The following TECPR1 variants were observed in gnomAD, a reference collection of about 807,000 sequenced individuals.
TECPR1 encodes the protein tectonin beta-propeller repeat containing 1.
In TECPR1, 122 loss-of-function variants were observed where a neutral mutation model predicts 162.4. The ratio of observed to expected loss-of-function variants is 0.75; its 90% CI spans 0.65 to 0.87. The LOEUF (loss-of-function observed/expected upper bound fraction) is 0.87, where lower values mean the gene tolerates loss of function less well. TECPR1 is among the 40% of genes least tolerant of loss of function. The pLI, the probability that TECPR1 is intolerant of heterozygous loss-of-function variation, is 0.00. For synonymous variants in TECPR1, 642 were observed against 670.6 expected, an observed-to-expected ratio of 0.96 and a Z score of 0.66; for missense variants, 1,432 against 1,618.2, an observed-to-expected ratio of 0.88 and a Z score of 1.97.
chr7:98,229,928 G>A (rs1404609417), intron 15 of TECPR1, among the ~76,000 whole-genome samples: 4 of 151,444 alleles, frequency 2.6e-5, no homozygotes, highest in South Asian at 2.1e-4. Context: ...GTCCCCTGCC[G>A]GGCCCTTGTC....
At chr7:98,233,937 T>C in intron 10 of TECPR1, 26 bp from the exon 11 acceptor site, 1 of 1,492,276 alleles carries the variant, frequency 6.7e-7, no homozygotes, top group Non-Finnish European at 9.0e-7. Flanking sequence ...GGCAGACCCA[T>C]CACTCCCTTG....
At chr7:98,246,276 T>G (rs1798908135) in intron 2 of TECPR1, 111 bp from the exon 3 acceptor site, 1 of 722,266 alleles carries the variant, frequency 1.4e-6, no homozygotes, top group Non-Finnish European at 2.2e-6. Context: ...TTCTCTTTTT[T>G]TTTTTTTTTA....
At position 98,216,125 on chromosome 7, in the gene TECPR1, A is replaced by T. The variant is rs1031148875; in HGVS notation, c.*1265T>A. ...AACTCCCAAATGGGGCACAGAGGTA[A>T]TAAAAAGCAGCTGAGAGACTGCGGG... is the stretch of plus-strand genomic sequence containing the variant. On this transcript the variant is annotated 3_prime_UTR_variant, in exon 26 of 26. Transcript: ENST00000447648. 2.6e-5 allele frequency: 4 copies of T among 152,256 alleles called. No homozygotes were observed. Among genetic ancestry groups the T allele is most frequent in the African/African-American group, 9.6e-5 (4 of 41,462 alleles). The allele number at this position is 152,256 out of a possible 1,614,324, so 9.4% of individuals were successfully genotyped here.
chr7:98,242,424 C>CCCAT (rs1292568416), intron 6 of TECPR1, among the ~76,000 whole-genome samples: 1 of 151,834 alleles, frequency 6.6e-6, no homozygotes, highest in Non-Finnish European at 1.5e-5. Context: ...TACCCACCCA[C>CCCAT]CCATCCATCC....
In TECPR1 at chr7:98,232,054, C is replaced by A. The variant is rs1329346100; in HGVS notation, c.1819-95G>T. On this transcript the variant is annotated intron_variant, in intron 12 of 25. Transcript: ENST00000447648. This position sits in a 1 kb window ranked among gnomAD's most constrained non-coding sequence, Gnocchi z 4.6. ...GGGGTGCCCAGAGGAGGAGGCAGGG[C>A]TGGGGTAGGGCCCACCCAGCACTCC... The A allele has an allele frequency of 3.6e-6, 5 of 1,402,992 alleles. No homozygotes were observed. The African/African-American group carries it at 7.1e-5, about 20-fold the overall frequency. 86.9% of individuals were successfully genotyped at this position (1,402,992 alleles called of 1,614,324 possible). A position where few individuals can be genotyped will look rare whatever the true frequency, so the allele number is the denominator to read the frequency against.
In TECPR1 at chr7:98,223,636, A is replaced by G. The variant is rs775759964; in HGVS notation, c.2747+26T>C. 7 of 1,613,074 alleles carry G rather than the reference A, an allele frequency of 4.3e-6. No homozygotes were observed. The Admixed American group carries it at 5.0e-5, about 12-fold the overall frequency. On this transcript the variant is annotated intron_variant, in intron 20 of 25. Transcript: ENST00000447648. ...TGGCTCCTCCAGGAGCCTGACCGTG[A>G]CAGTCACCCTGCAGCCCTGCCTCAC...
intron 23 of TECPR1, among the ~76,000 whole-genome samples, chr7:98,219,233 A>C (rs1157921726): frequency 3.3e-5 from 5 of 152,236 alleles, no homozygotes; most frequent in Non-Finnish European, 7.3e-5. Context: ...TATTAAAAAA[A>C]CAACTCAAGA....
chr7:98,229,253 G>T, intron 15 of TECPR1, 87 bp from the exon 16 acceptor site: 1 of 1,483,892 alleles, frequency 6.7e-7, no homozygotes, highest in Non-Finnish European at 9.1e-7. Flanking sequence ...GTGTCCTCCT[G>T]TGGTTCTGGG....
Position 98,217,446 on chromosome 7 carries a change from A to G in TECPR1, c.3442T>C (p.Ser1148Pro). The stretch of plus-strand genomic sequence containing the variant: ...GGGGCACTCGGCTCCTGCTCCTGGG[A>G]CGAGCTCCGGGGGGCCCTGGTGGCA... ...ANATRAPRSS[S>P]QEQEPSAPPE... is the part of the protein sequence containing the mutation. The change falls in exon 26 of 26, where the codon TCC (serine) becomes CCC (proline). Residue 1148 changes from serine (S) to proline (P), a missense_variant. Coordinates refer to ENST00000447648, the MANE Select transcript of TECPR1 (RefSeq NM_015395.3). 6.2e-7 allele frequency: 1 copy of G among 1,609,844 alleles called. No individual in the cohort carries two copies.
At chr7:98,248,844 T>C (rs1365419011) in intron 2 of TECPR1, among the ~76,000 whole-genome samples, 1 of 117,246 alleles carries the variant, frequency 8.5e-6, no homozygotes, top group Admixed American at 8.7e-5. Flanking sequence ...CGACTCCGTC[T>C]CAAAAAAAAA....
chr7:98,246,009 C>G lies in TECPR1; in HGVS notation c.138G>C (p.Trp46Cys), dbSNP rs2116630789. ...KRVSATTQCC[W>C]GIACDNQVYV... is the part of the protein sequence containing the mutation. ...AGACCTGGTTGTCACAGGCAATGCC[C>G]CAGCAGCACTGCGTGGTGGCGCTGA... The change falls in exon 3 of 26, where the codon TGG becomes TGC. Residue 46 changes from tryptophan to cysteine, a missense_variant. Trp to Cys is a radical substitution (Grantham distance 215). Transcript: ENST00000447648. The G allele has an allele frequency of 1.9e-6, 3 of 1,603,578 alleles. No individual in the cohort carries two copies. Among genetic ancestry groups the G allele is most frequent in the Non-Finnish European group, 2.6e-6 (3 of 1,175,820 alleles).
chr7:98,226,765 C>T lies in TECPR1; in HGVS notation c.2513+1249G>A, dbSNP rs891779724. Reference sequence around the variant, plus strand: ...CCTCACCAACATGGTGAAATCCTGTCTCTACTAAAAATACAAAAATAGCCA... The same window carrying T: ...CCTCACCAACATGGTGAAATCCTGTTTCTACTAAAAATACAAAAATAGCCA... On this transcript the variant is annotated intron_variant, in intron 17 of 25. Transcript: ENST00000447648. 6.7e-6 allele frequency: 5 copies of T among 748,854 alleles called. No individual in the cohort carries two copies. The East Asian group carries it at 2.8e-4, about 42-fold the overall frequency. The allele number at this position is 748,854 out of a possible 1,614,324, so 46.4% of individuals were successfully genotyped here. A position where few individuals can be genotyped will look rare whatever the true frequency, so the allele number is the denominator to read the frequency against.
rs1433937016 is a variant in TECPR1, at chr7:98,241,033, G to T, written c.832+37C>A. ...CGAGTGACCCTCACCCTTCTCCCCA[G>T]TACAGGGTATGTGGGTGGGGGAGCC... On this transcript the variant is annotated intron_variant, in intron 7 of 25. Transcript: ENST00000447648. The surrounding 1 kb of genome is among the most constrained non-coding windows in gnomAD (Gnocchi z 5.0). The T allele has an allele frequency of 2.5e-6, 4 of 1,591,742 alleles. No homozygotes were observed. Among genetic ancestry groups the T allele is most frequent in the Middle Eastern group, 1.7e-4 (1 of 6,018 alleles).
At position 98,227,263 on chromosome 7, in the gene TECPR1, G is replaced by A. The variant is rs190038451; in HGVS notation, c.2513+751C>T. ...GAAAATTAGCTAGTCGTGGTGGAGC[G>A]CGCCTGTAATCCCAGCTACTTGTTA... is the stretch of plus-strand genomic sequence containing the variant. On this transcript the variant is annotated intron_variant, in intron 17 of 25. Transcript: ENST00000447648. Among the ~76,000 whole-genome samples, 148 of 151,244 alleles carry A rather than the reference G, an allele frequency of 9.8e-4. 1 individual carries two copies. Among genetic ancestry groups the A allele is most frequent in the Admixed American group, 2.5e-3 (38 of 15,170 alleles).
At position 98,236,790 on chromosome 7, in the gene TECPR1, C is replaced by A. The variant is rs760319526; in HGVS notation, c.1167G>T (p.Ser389=). 8.2e-6 allele frequency: 13 copies of A among 1,593,750 alleles called. No homozygotes were observed. Among genetic ancestry groups the A allele is most frequent in the Non-Finnish European group, 1.0e-5 (12 of 1,173,912 alleles). The change falls in exon 10 of 26, where the codon TCG becomes TCT. Residue 389 remains serine, a synonymous_variant. Coordinates refer to ENST00000447648, the MANE Select transcript of TECPR1 (RefSeq NM_015395.3). ...CCCCCAGTCACCTGAGGAGACTAGA[C>A]GAGCTGCCAGAGTGTGACCGGTCAC... The part of the protein sequence containing the change: ...RECDRSHSGS[S]SSLLSAGCFF...
intron 15 of TECPR1, 76 bp from the exon 16 acceptor site, chr7:98,229,242 C>T (rs759082198): frequency 1.7e-5 from 26 of 1,504,458 alleles, no homozygotes; most frequent in Middle Eastern, 1.7e-4. Context: ...CCTTTTGTTC[C>T]GTGTCCTCCT....
intron 13 of TECPR1, 157 bp from the exon 14 acceptor site, chr7:98,231,530 AC>A: frequency 3.1e-6 from 1 of 324,664 alleles, no homozygotes; most frequent in Middle Eastern, 1.1e-3. Context: ...TCATTTCTTT[AC>A]CCCCTCCCCA....
In TECPR1 at chr7:98,225,072, G is replaced by A. The variant is rs200379049; in HGVS notation, c.2544C>T (p.Ser848=). The change falls in exon 18 of 26, where the codon AGC becomes AGT. Residue 848 remains serine (S), a synonymous_variant. Transcript: ENST00000447648. ...RGLPTDRYMW[S]DASGLQECTK... ...TGCACTCCTGCAGCCCCGAGGCATCGCTCCACATGTACCGGTCCGTGGGCA... is the reference window on the plus strand; with the variant it reads ...TGCACTCCTGCAGCCCCGAGGCATCACTCCACATGTACCGGTCCGTGGGCA... 748 of 1,569,182 alleles carry A rather than the reference G, an allele frequency of 4.8e-4. 4 individuals are homozygous for A. The East Asian group carries it at 0.015, about 32-fold the overall frequency.
chr7:98,237,752 A>T (rs534396617), intron 9 of TECPR1, among the ~76,000 whole-genome samples: 51 of 150,068 alleles, frequency 3.4e-4, no homozygotes, highest in Middle Eastern at 3.6e-3. Flanking sequence ...TACAGGCGTG[A>T]GCCACTGTGC....
Sources: gnomAD v4.1 joint callset for allele counts (sites outside exome capture counted in the v4.1 genomes callset) on GRCh38, gnomAD v4.1.1 for gene constraint, Gnocchi (gnomAD v3.1) non-coding constraint, MANE v1.5 for transcripts, NCBI Gene and HGNC (gene_info 2026-07-23, HGNC 2026-07-21) for gene names.